Variants in CDKAL1 observed in about 807,000 individuals in gnomAD.
CDKAL1 encodes the protein CDKAL1 threonylcarbamoyladenosine tRNA methylthiotransferase.
A neutral mutation model predicts 68.2 loss-of-function variants in CDKAL1; 32 were observed. That is an observed-to-expected ratio of 0.47 (90% CI 0.35 to 0.63). The LOEUF (loss-of-function observed/expected upper bound fraction) is 0.63. Among genes scored for constraint, CDKAL1 ranks in the 30% least tolerant of loss-of-function variants. CDKAL1 has a pLI of 0.00. For synonymous variants in CDKAL1, 234 were observed against 244.3 expected, an observed-to-expected ratio of 0.96 and a Z score of 0.39; for missense variants, 606 against 696.7, an observed-to-expected ratio of 0.87 and a Z score of 1.47.
intron 13 of CDKAL1, among the ~76,000 whole-genome samples, chr6:21,146,631 A>T (rs1309521266): frequency 6.6e-6 from 1 of 152,090 alleles, no homozygotes; most frequent in African/African-American, 2.4e-5. Flanking sequence ...CGGGCGGATC[A>T]CAAGGTCAGG....
intron 13 of CDKAL1, among the ~76,000 whole-genome samples, chr6:21,167,242 A>G (rs962273863): frequency 9.9e-5 from 15 of 152,190 alleles, no homozygotes; most frequent in Admixed American, 9.8e-4. Flanking sequence ...TTGAGTAGTA[A>G]TGCCATTAGA....
At chr6:20,764,176 T>C (rs767874996) in intron 7 of CDKAL1, among the ~76,000 whole-genome samples, 12 of 152,244 alleles carry the variant, frequency 7.9e-5, no homozygotes, top group Non-Finnish European at 1.6e-4. Flanking sequence ...AATAATCTTA[T>C]CTTTGTGGAA....
intron 9 of CDKAL1, among the ~76,000 whole-genome samples, chr6:20,900,400 A>G (rs1204323602): frequency 6.6e-6 from 1 of 152,244 alleles, no homozygotes; most frequent in African/African-American, 2.4e-5. Context: ...CTGCTGCTTT[A>G]GTAAGCTGTG....
intron 9 of CDKAL1, among the ~76,000 whole-genome samples, chr6:20,847,508 CT>C (rs541287196): frequency 1.3e-5 from 2 of 152,142 alleles, no homozygotes; most frequent in Non-Finnish European, 2.9e-5. Context: ...GAAATTAGTA[CT>C]TTTTTTAACA....
intron 12 of CDKAL1, among the ~76,000 whole-genome samples, chr6:21,100,972 T>C (rs770296122): frequency 1.3e-5 from 2 of 152,190 alleles, no homozygotes; most frequent in Non-Finnish European, 2.9e-5. Context: ...TAGCTTTCCA[T>C]TTATTTTTCA....
At chr6:21,132,829 G>A (rs1294691438) in intron 13 of CDKAL1, among the ~76,000 whole-genome samples, 5 of 151,868 alleles carry the variant, frequency 3.3e-5, no homozygotes, top group Admixed American at 2.0e-4. Flanking sequence ...ATTCTGAGAC[G>A]GTATTTAGTG....
chr6:21,226,755 C>G (rs1313092226), intron 15 of CDKAL1, among the ~76,000 whole-genome samples: 1 of 152,178 alleles, frequency 6.6e-6, no homozygotes. Context: ...CTCTGTCACC[C>G]AGGCTGGAGT....
At chr6:20,847,314 A>G (rs922143641) in intron 9 of CDKAL1, among the ~76,000 whole-genome samples, 18 of 152,310 alleles carry the variant, frequency 1.2e-4, no homozygotes, top group African/African-American at 4.1e-4. Context: ...TGTCTTTACT[A>G]CAGCATAACC....
chr6:20,839,886 T>C (rs1778106997), intron 8 of CDKAL1, among the ~76,000 whole-genome samples: 1 of 152,188 alleles, frequency 6.6e-6, no homozygotes, highest in Non-Finnish European at 1.5e-5. Flanking sequence ...GATTTGTGTA[T>C]TTATTGTTAT....
intron 15 of CDKAL1, among the ~76,000 whole-genome samples, chr6:21,208,565 C>T (rs746317056): frequency 4.0e-5 from 6 of 151,896 alleles, no homozygotes; most frequent in Middle Eastern, 6.8e-3. Flanking sequence ...CCTATTTTTC[C>T]TTCCACCCCC....
At chr6:20,666,122 C>G (rs1769530650) in intron 5 of CDKAL1, among the ~76,000 whole-genome samples, 1 of 151,986 alleles carries the variant, frequency 6.6e-6, no homozygotes, top group Non-Finnish European at 1.5e-5. Flanking sequence ...TTAAAGAGCT[C>G]CTTACATTAG....
chr6:21,012,616 A>C (rs190130966), intron 11 of CDKAL1, among the ~76,000 whole-genome samples: 2 of 152,310 alleles, frequency 1.3e-5, no homozygotes, highest in African/African-American at 2.4e-5. Context: ...TTCAATAGGA[A>C]TTATTAAACC....
intron 5 of CDKAL1, among the ~76,000 whole-genome samples, chr6:20,655,647 A>G (rs551393872): frequency 2.6e-5 from 4 of 152,250 alleles, no homozygotes; most frequent in African/African-American, 9.6e-5. Flanking sequence ...AATCTAAACT[A>G]ATGCTTGGTG....
chr6:20,989,181 A>T lies in CDKAL1; in HGVS notation c.910-11046A>T, dbSNP rs566619573. 2.6e-5 allele frequency among the ~76,000 whole-genome samples: 4 copies of T among 152,262 alleles called. No homozygotes were observed. The South Asian group carries it at 8.3e-4, about 32-fold the overall frequency. ...GTCATAGCATCAGGAGTCAAATGAGATGCACTCAAACTGTTCCGCAGACTG... is the reference window on the plus strand; with the variant it reads ...GTCATAGCATCAGGAGTCAAATGAGTTGCACTCAAACTGTTCCGCAGACTG... On this transcript the variant is annotated intron_variant, in intron 10 of 15. Transcript: ENST00000274695.
chr6:20,663,366 T>C (rs566908266), intron 5 of CDKAL1, among the ~76,000 whole-genome samples: 1 of 152,148 alleles, frequency 6.6e-6, no homozygotes, highest in South Asian at 2.1e-4. Flanking sequence ...TGGGACAAGA[T>C]ACACATTTTA....
chr6:20,816,373 G>T (rs981991134), intron 8 of CDKAL1, among the ~76,000 whole-genome samples: 2 of 152,058 alleles, frequency 1.3e-5, no homozygotes, highest in Non-Finnish European at 2.9e-5. Context: ...GTGAATTTTA[G>T]TGTCTGCTGC....
intron 13 of CDKAL1, among the ~76,000 whole-genome samples, chr6:21,169,389 C>G (rs1235085568): frequency 6.6e-6 from 1 of 152,218 alleles, no homozygotes; most frequent in Non-Finnish European, 1.5e-5. Context: ...AATCCCAGCA[C>G]TTTGGGAGGC....
At chr6:21,141,272 T>G (rs1472642284) in intron 13 of CDKAL1, among the ~76,000 whole-genome samples, 2 of 152,234 alleles carry the variant, frequency 1.3e-5, no homozygotes, top group Non-Finnish European at 2.9e-5. Flanking sequence ...CTACTTTCTC[T>G]TCTAGCAAAT....
At chr6:21,136,241 T>C (rs1775587949) in intron 13 of CDKAL1, among the ~76,000 whole-genome samples, 1 of 152,224 alleles carries the variant, frequency 6.6e-6, no homozygotes, top group African/African-American at 2.4e-5. Context: ...AATGTGTTTG[T>C]AATAGGACTC....
Sources: gnomAD v4.1 joint callset for allele counts (sites outside exome capture counted in the v4.1 genomes callset) on GRCh38, gnomAD v4.1.1 for gene constraint, MANE v1.5 for transcripts, NCBI Gene and HGNC (gene_info 2026-07-23, HGNC 2026-07-21) for gene names.